FAF1: variants seen among roughly 807,000 people sequenced by gnomAD.
FAF1 encodes FAS-associated factor 1.
FAF1 carries 25 observed loss-of-function variants against 92.5 expected under a neutral mutation model. The ratio of observed to expected loss-of-function variants is 0.27; its 90% CI spans 0.20 to 0.38. The LOEUF (loss-of-function observed/expected upper bound fraction) is 0.38, where lower values mean the gene tolerates loss of function less well. Ranked by LOEUF, FAF1 falls within the 10% of genes least tolerant of loss-of-function variation. FAF1 has a pLI of 1.00. For missense variants in FAF1, 636 were observed against 793.3 expected (o/e 0.80, Z 2.38); for synonymous variants, 234 against 273.2 (o/e 0.86, Z 1.42).
At chr1:50,744,602 T>A in intron 5 of FAF1, 82 bp downstream of exon 5, 1 of 929,956 alleles carries the variant, frequency 1.1e-6, no homozygotes, top group Non-Finnish European at 1.7e-6. Flanking sequence ...GTAACAACAT[T>A]AATTAAAACC....
At chr1:50,444,915 G>A (rs1646211059) in intron 18 of FAF1, among the ~76,000 whole-genome samples, 1 of 140,984 alleles carries the variant, frequency 7.1e-6, no homozygotes, top group Admixed American at 7.0e-5. Context: ...GGAAATGGAG[G>A]TAGGGAGGGT....
At chr1:50,641,698 T>G (rs952614014) in intron 8 of FAF1, among the ~76,000 whole-genome samples, 1 of 152,144 alleles carries the variant, frequency 6.6e-6, no homozygotes, top group Admixed American at 6.5e-5. Context: ...TTAGGCAAAG[T>G]TGATTAATCA....
At chr1:50,852,050 G>A (rs1644355488) in intron 2 of FAF1, among the ~76,000 whole-genome samples, 2 of 151,738 alleles carry the variant, frequency 1.3e-5, no homozygotes, top group Admixed American at 1.3e-4. Flanking sequence ...TATATAGAAT[G>A]GCACAACCAA....
intron 17 of FAF1, among the ~76,000 whole-genome samples, chr1:50,488,642 T>C (rs139407154): frequency 5.3e-5 from 8 of 152,286 alleles, no homozygotes; most frequent in Admixed American, 5.2e-4. Context: ...CACAATGATA[T>C]AGGGTTTTGT....
At chr1:50,767,092 A>G (rs1218856916) in intron 4 of FAF1, among the ~76,000 whole-genome samples, 2 of 152,210 alleles carry the variant, frequency 1.3e-5, no homozygotes, top group African/African-American at 4.8e-5. Context: ...GATTTGGGAG[A>G]TGAAAAATGA....
At chr1:50,543,938 G>A (rs1648878226) in intron 13 of FAF1, among the ~76,000 whole-genome samples, 1 of 152,130 alleles carries the variant, frequency 6.6e-6, no homozygotes, top group South Asian at 2.1e-4. Flanking sequence ...ATGGCGAAAG[G>A]TCAAGGGGGA....
chr1:50,561,895 A>AAGGAAGTT (rs1649932218), intron 13 of FAF1, among the ~76,000 whole-genome samples: 2 of 149,828 alleles, frequency 1.3e-5, no homozygotes, highest in Non-Finnish European at 3.0e-5. Context: ...GGAAGGAAGG[A>AAGGAAGTT]AGTTGTGTAA....
chr1:50,673,171 T>C (rs900400699), intron 7 of FAF1, among the ~76,000 whole-genome samples: 2 of 151,968 alleles, frequency 1.3e-5, no homozygotes, highest in African/African-American at 4.8e-5. Flanking sequence ...GGCAGGAGAA[T>C]TGCTTGAACC....
chr1:50,671,111 T>C (rs1655853373), intron 7 of FAF1, among the ~76,000 whole-genome samples: 2 of 151,874 alleles, frequency 1.3e-5, no homozygotes, highest in Non-Finnish European at 2.9e-5. Flanking sequence ...TAGTTAAAAA[T>C]GTAAGTTTGA....
intron 2 of FAF1, among the ~76,000 whole-genome samples, chr1:50,851,140 G>A (rs1422593144): frequency 6.7e-6 from 1 of 150,118 alleles, no homozygotes; most frequent in Non-Finnish European, 1.5e-5. Context: ...TCATGCAATG[G>A]TGCGATCTCA....
At chr1:50,813,456 T>C (rs1445891022) in intron 2 of FAF1, among the ~76,000 whole-genome samples, 1 of 152,146 alleles carries the variant, frequency 6.6e-6, no homozygotes, top group African/African-American at 2.4e-5. Context: ...TTTTATGCTT[T>C]CCTTTTAAAA....
chr1:50,733,420 C>T (rs1302664772), intron 6 of FAF1, among the ~76,000 whole-genome samples: 2 of 152,142 alleles, frequency 1.3e-5, no homozygotes, highest in Non-Finnish European at 1.5e-5. Flanking sequence ...GGGCTCCACC[C>T]GTATCTCTCT....
At chr1:50,541,372 C>T (rs1422792917) in intron 13 of FAF1, among the ~76,000 whole-genome samples, 3 of 152,176 alleles carry the variant, frequency 2.0e-5, no homozygotes, top group Non-Finnish European at 4.4e-5. Context: ...TTCAAATTCT[C>T]ACATTCCACA....
At chr1:50,591,492 C>T (rs1051143228) in intron 9 of FAF1, among the ~76,000 whole-genome samples, 2 of 151,928 alleles carry the variant, frequency 1.3e-5, no homozygotes, top group South Asian at 2.1e-4. Flanking sequence ...GCCAACATGG[C>T]GAAACCTCGT....
At chr1:50,447,848 A>G (rs370005087) in intron 18 of FAF1, among the ~76,000 whole-genome samples, 47 of 152,308 alleles carry the variant, frequency 3.1e-4, no homozygotes, top group African/African-American at 1.1e-3. Flanking sequence ...CTCCTCTCTG[A>G]ATTCCTCTGT....
chr1:50,610,530 A>G (rs1165778410), intron 8 of FAF1, among the ~76,000 whole-genome samples: 1 of 152,228 alleles, frequency 6.6e-6, no homozygotes, highest in Non-Finnish European at 1.5e-5. Flanking sequence ...CTGTATGAAA[A>G]TATCTCTTGA....
intron 7 of FAF1, among the ~76,000 whole-genome samples, chr1:50,658,335 G>A (rs1446335962): frequency 1.3e-5 from 2 of 151,808 alleles, no homozygotes; most frequent in Non-Finnish European, 2.9e-5. Flanking sequence ...TTTTGGAAAG[G>A]CCGCAAAGCT....
intron 18 of FAF1, among the ~76,000 whole-genome samples, chr1:50,453,156 G>A (rs1405631985): frequency 6.6e-6 from 1 of 152,234 alleles, no homozygotes; most frequent in Admixed American, 6.5e-5. Flanking sequence ...TTTGGACATA[G>A]ATCATTAAGA....
intron 7 of FAF1, among the ~76,000 whole-genome samples, chr1:50,693,767 C>A (rs1657044781): frequency 2.0e-5 from 3 of 151,992 alleles, no homozygotes; most frequent in Admixed American, 6.6e-5. Context: ...CATATTTACA[C>A]ATTTACTTAT....
Sources: gnomAD v4.1 joint callset for allele counts (sites outside exome capture counted in the v4.1 genomes callset) on GRCh38, gnomAD v4.1.1 for gene constraint, MANE v1.5 for transcripts, NCBI Gene and HGNC (gene_info 2026-07-23, HGNC 2026-07-21) for gene names.